Variants in ARFIP1 observed in about 807,000 individuals in gnomAD.
ARFIP1 encodes the protein ARF interacting protein 1, also known as arfaptin-1.
ARFIP1 carries 24 observed loss-of-function variants against 42.5 expected under a neutral mutation model. That is an observed-to-expected ratio of 0.57 (90% confidence interval 0.41 to 0.80). The LOEUF is 0.80. Ranked by LOEUF, ARFIP1 falls within the 30% of genes least tolerant of loss-of-function variation. The pLI is 0.00. For synonymous variants in ARFIP1, 141 were observed against 153.7 expected, an observed-to-expected ratio of 0.92 and a Z score of 0.61; for missense variants, 354 against 434.0, an observed-to-expected ratio of 0.82 and a Z score of 1.64.
At chr4:152,812,122 T>C (rs1040736467) in intron 1 of ARFIP1, among the ~76,000 whole-genome samples, 6 of 152,226 alleles carry the variant, frequency 3.9e-5, no homozygotes, top group Admixed American at 3.9e-4. Context: ...TGCTGTAATT[T>C]TCTCTGCTGT....
chr4:152,903,484 GTTT>G (rs138825213), intron 8 of ARFIP1, among the ~76,000 whole-genome samples: 1 of 147,044 alleles, frequency 6.8e-6, no homozygotes, highest in South Asian at 2.1e-4. Flanking sequence ...TCCATTTGGA[GTTT>G]TTTTTTTTCT....
intron 5 of ARFIP1, among the ~76,000 whole-genome samples, chr4:152,875,394 A>G (rs1297332629): frequency 2.0e-5 from 3 of 150,464 alleles, no homozygotes; most frequent in Non-Finnish European, 4.4e-5. Flanking sequence ...AAAAAAAAAA[A>G]AAAAAAAGAA....
At chr4:152,871,271 TACTTTTAGCTTTAACTTACAAA>T (rs1424831056) in intron 4 of ARFIP1, among the ~76,000 whole-genome samples, 2 of 151,992 alleles carry the variant, frequency 1.3e-5, no homozygotes, top group Non-Finnish European at 2.9e-5. Flanking sequence ...CTTGTCTTCT[TACTTTTAGCTTTAACTTACAAA>T]TAGTTTGCAG....
At chr4:152,801,914 A>T (rs1728450492) in intron 1 of ARFIP1, among the ~76,000 whole-genome samples, 1 of 152,214 alleles carries the variant, frequency 6.6e-6, no homozygotes, top group African/African-American at 2.4e-5. Flanking sequence ...ATACAAGTAA[A>T]GTGAGATGCA....
intron 1 of ARFIP1, among the ~76,000 whole-genome samples, chr4:152,783,888 G>A (rs1318340420): frequency 6.6e-6 from 1 of 151,978 alleles, no homozygotes; most frequent in African/African-American, 2.4e-5. Flanking sequence ...ATAAAGAATT[G>A]TAAGTATTAT....
chr4:152,810,890 G>C (rs921205452), intron 1 of ARFIP1, among the ~76,000 whole-genome samples: 1 of 151,976 alleles, frequency 6.6e-6, no homozygotes, highest in Admixed American at 6.6e-5. Context: ...TCTTTCTACT[G>C]TATGATAGTG....
chr4:152,877,932 C>T (rs1371468451), intron 5 of ARFIP1, among the ~76,000 whole-genome samples: 1 of 152,150 alleles, frequency 6.6e-6, no homozygotes, highest in Admixed American at 6.5e-5. Context: ...AACTCTAAGT[C>T]CAATTAAACA....
intron 2 of ARFIP1, among the ~76,000 whole-genome samples, chr4:152,857,811 T>C (rs1414856016): frequency 6.6e-6 from 1 of 152,212 alleles, no homozygotes; most frequent in East Asian, 1.9e-4. Flanking sequence ...TATTACTTAA[T>C]TACAGGACTT....
At chr4:152,846,684 A>G (rs1021516154) in intron 2 of ARFIP1, among the ~76,000 whole-genome samples, 1 of 152,186 alleles carries the variant, frequency 6.6e-6, no homozygotes, top group Admixed American at 6.5e-5. Context: ...AATATATTTT[A>G]TAGACTAGTG....
intron 5 of ARFIP1, among the ~76,000 whole-genome samples, chr4:152,875,552 T>G (rs1735263437): frequency 6.6e-6 from 1 of 152,110 alleles, no homozygotes; most frequent in Admixed American, 6.5e-5. Flanking sequence ...TTCATGCCTG[T>G]TTTTCTTGTC....
intron 1 of ARFIP1, among the ~76,000 whole-genome samples, chr4:152,816,999 AT>A (rs1469141857): frequency 6.6e-6 from 1 of 152,164 alleles, no homozygotes; most frequent in Non-Finnish European, 1.5e-5. Context: ...ACTGATTATA[AT>A]TTTTTATCTG....
intron 2 of ARFIP1, among the ~76,000 whole-genome samples, chr4:152,847,493 A>G (rs1380840074): frequency 5.9e-5 from 9 of 151,898 alleles, no homozygotes; most frequent in African/African-American, 2.2e-4. Flanking sequence ...TCATCTTAGT[A>G]TTATCTCAGT....
Position 152,808,283 on chromosome 4 carries a change from A to ATTTTTTTTTTTTTTTTTTTTTTTTTTTTT in ARFIP1, c.-9-21336_-9-21308dup, listed in dbSNP as rs61135783. Among the ~76,000 whole-genome samples the ATTTTTTTTTTTTTTTTTTTTTTTTTTTTT allele has an allele frequency of 1.1e-3, 22 of 20,324 alleles. 4 individuals are homozygous for ATTTTTTTTTTTTTTTTTTTTTTTTTTTTT. The highest frequency in any genetic ancestry group is 1.3e-3 in the Non-Finnish European group (13 of 10,044). 13.3% of individuals were successfully genotyped at this position (20,324 alleles called of 152,430 possible). On this transcript the variant is annotated intron_variant, in intron 1 of 8. Coordinates refer to ENST00000353617, the MANE Select transcript of ARFIP1 (RefSeq NM_001025595.3). ...GTGTGAGCCACCACGCCTGGCCTCC[A>ATTTTTTTTTTTTTTTTTTTTTTTTTTTTT]TTTTTTTTTTTTTTTTTTTTTTTTT...
chr4:152,863,151 G>A (rs553094561), intron 2 of ARFIP1, among the ~76,000 whole-genome samples: 43 of 152,240 alleles, frequency 2.8e-4, no homozygotes, highest in African/African-American at 9.1e-4. Flanking sequence ...AGTCAGAGAA[G>A]CCCTCTTGAA....
At chr4:152,811,524 A>G (rs1405465111) in intron 1 of ARFIP1, among the ~76,000 whole-genome samples, 1 of 152,226 alleles carries the variant, frequency 6.6e-6, no homozygotes, top group Non-Finnish European at 1.5e-5. Context: ...GCAAATGTTC[A>G]TAGATATCAA....
intron 1 of ARFIP1, among the ~76,000 whole-genome samples, chr4:152,792,361 G>A (rs1201514007): frequency 6.6e-6 from 1 of 152,030 alleles, no homozygotes; most frequent in Admixed American, 6.6e-5. Context: ...AGACTTATGT[G>A]TGTTGTTTTA....
chr4:152,781,036 A>G (rs1226542411), intron 1 of ARFIP1, among the ~76,000 whole-genome samples: 1 of 151,990 alleles, frequency 6.6e-6, no homozygotes, highest in Non-Finnish European at 1.5e-5. Flanking sequence ...AAATTCATCT[A>G]ACTACATTAT....
intron 8 of ARFIP1, among the ~76,000 whole-genome samples, chr4:152,905,052 G>A (rs1738193586): frequency 6.6e-6 from 1 of 152,164 alleles, no homozygotes; most frequent in African/African-American, 2.4e-5. Flanking sequence ...AGCCTTCCCA[G>A]CATCTGTTGT....
chr4:152,809,593 T>G (rs1578845166), intron 1 of ARFIP1: 1 of 152,274 alleles, frequency 6.6e-6, no homozygotes, highest in East Asian at 1.9e-4. Context: ...GCTGTACCCT[T>G]TAGGAATGAA....
Sources: gnomAD v4.1 joint callset for allele counts (sites outside exome capture counted in the v4.1 genomes callset) on GRCh38, gnomAD v4.1.1 for gene constraint, MANE v1.5 for transcripts, NCBI Gene and HGNC (gene_info 2026-07-23, HGNC 2026-07-21) for gene names.